LYPD6B: variants seen among roughly 807,000 people sequenced by gnomAD.
LYPD6B encodes ly6/PLAUR domain-containing protein 6B.
A neutral mutation model predicts 22.8 loss-of-function variants in LYPD6B; 17 were observed. That is an observed-to-expected ratio of 0.75 (90% CI 0.51 to 1.12). The LOEUF (loss-of-function observed/expected upper bound fraction) is 1.12, where lower values mean the gene tolerates loss of function less well. Among genes scored for constraint, LYPD6B ranks in the 50% most tolerant of loss-of-function variants. The pLI is 0.00. For synonymous variants in LYPD6B, 106 were observed against 91.6 expected, an observed-to-expected ratio of 1.16 and a Z score of -0.90; for missense variants, 221 against 258.3, an observed-to-expected ratio of 0.86 and a Z score of 0.99.
chr2:149,122,805 A>C (rs1687459626), intron 1 of LYPD6B, among the ~76,000 whole-genome samples: 1 of 152,120 alleles, frequency 6.6e-6, no homozygotes, highest in Non-Finnish European at 1.5e-5. Context: ...TGAGTCCTCT[A>C]TACAGATTTT....
rs386391473 is a variant in LYPD6B at position 149,212,380 on chromosome 2, C to CAAAAAAAAAA, written c.329-597_329-588dup. 4.8e-4 allele frequency among the ~76,000 whole-genome samples: 29 copies of CAAAAAAAAAA among 60,128 alleles called. 2 individuals carry two copies. The highest frequency in any genetic ancestry group is 1.3e-3 in the African/African-American group (17 of 13,324). 39.4% of individuals were successfully genotyped at this position (60,128 alleles called of 152,430 possible). A position where few individuals can be genotyped will look rare whatever the true frequency, so the allele number is the denominator to read the frequency against. ...CTGGGGACAGAGTAAGACTCCGTCT[C>CAAAAAAAAAA]AAAAAAAAAAAAAAAAAAAAAAAAG... On this transcript the variant is annotated intron_variant, in intron 5 of 6. Transcript: ENST00000409642.
intron 4 of LYPD6B, chr2:149,206,004 C>T (rs186828377): frequency 4.3e-6 from 2 of 468,380 alleles, no homozygotes; most frequent in South Asian, 3.1e-5. Context: ...GTCATTAACC[C>T]TCCTTTCTTT....
chr2:149,179,231 G>C (rs1014260040), intron 3 of LYPD6B, among the ~76,000 whole-genome samples: 1 of 152,202 alleles, frequency 6.6e-6, no homozygotes, highest in Non-Finnish European at 1.5e-5. Flanking sequence ...CTGGCATAAT[G>C]ATGAGTCTTC....
At chr2:149,143,247 A>G (rs1252055331) in intron 2 of LYPD6B, among the ~76,000 whole-genome samples, 3 of 152,150 alleles carry the variant, frequency 2.0e-5, no homozygotes, top group African/African-American at 4.8e-5. Flanking sequence ...TTCTATTTGT[A>G]TAAGATGAGA....
chr2:149,070,486 C>T (rs1684549439), intron 1 of LYPD6B, among the ~76,000 whole-genome samples: 1 of 152,134 alleles, frequency 6.6e-6, no homozygotes, highest in African/African-American at 2.4e-5. Context: ...ATATAACCTT[C>T]CTAAGACTAT....
At chr2:149,056,791 G>T (rs1269218674) in intron 1 of LYPD6B, among the ~76,000 whole-genome samples, 1 of 152,116 alleles carries the variant, frequency 6.6e-6, no homozygotes, top group Non-Finnish European at 1.5e-5. Context: ...ACTCGTCTAG[G>T]ATTCCTGCTT....
chr2:149,085,845 A>G (rs752415247), intron 1 of LYPD6B, among the ~76,000 whole-genome samples: 6 of 152,192 alleles, frequency 3.9e-5, no homozygotes, highest in African/African-American at 1.2e-4. Flanking sequence ...CAACTTTTCT[A>G]TCACTAATAT....
At chr2:149,211,185 A>C (rs1575188522) in intron 5 of LYPD6B, among the ~76,000 whole-genome samples, 1 of 152,038 alleles carries the variant, frequency 6.6e-6, no homozygotes, top group Admixed American at 6.5e-5. Flanking sequence ...ATGGCACTAA[A>C]CCATTCATGA....
chr2:149,191,260 TTAAGA>T (rs1175326325), intron 3 of LYPD6B, among the ~76,000 whole-genome samples: 4 of 152,144 alleles, frequency 2.6e-5, no homozygotes, highest in Non-Finnish European at 5.9e-5. Flanking sequence ...CTCTAAACAA[TTAAGA>T]TAACAACAAT....
intron 1 of LYPD6B, among the ~76,000 whole-genome samples, chr2:149,070,892 C>A (rs1282174897): frequency 6.6e-6 from 1 of 152,120 alleles, no homozygotes; most frequent in Non-Finnish European, 1.5e-5. Flanking sequence ...ACAGATGCAG[C>A]CTGATTGATT....
At chr2:149,173,569 A>G (rs1224401047) in intron 3 of LYPD6B, among the ~76,000 whole-genome samples, 1 of 152,150 alleles carries the variant, frequency 6.6e-6, no homozygotes, top group Non-Finnish European at 1.5e-5. Flanking sequence ...TATTAAAAAA[A>G]TTATTTGGCA....
At chr2:149,189,369 C>CATATAT (rs59507620) in intron 3 of LYPD6B, among the ~76,000 whole-genome samples, 1 of 91,666 alleles carries the variant, frequency 1.1e-5, no homozygotes, top group Non-Finnish European at 2.1e-5. Context: ...TATATATATA[C>CATATAT]ACACACATAT....
intron 1 of LYPD6B, among the ~76,000 whole-genome samples, chr2:149,087,922 TATAATTCTGGGCCA>T (rs1168294746): frequency 2.0e-5 from 3 of 152,200 alleles, no homozygotes; most frequent in Non-Finnish European, 2.9e-5. Flanking sequence ...TGGCAGGGTT[TATAATTCTGGGCCA>T]CCACTAGGGG....
At chr2:149,161,405 T>G (rs1408153375) in intron 3 of LYPD6B, 1 of 153,952 alleles carries the variant, frequency 6.5e-6, no homozygotes, top group East Asian at 1.9e-4. Flanking sequence ...TGTGTTTAAT[T>G]GATGATTGCT....
At chr2:149,196,241 T>G (rs181600423) in intron 3 of LYPD6B, among the ~76,000 whole-genome samples, 5 of 152,260 alleles carry the variant, frequency 3.3e-5, no homozygotes, top group East Asian at 1.9e-4. Flanking sequence ...ATGCAGAAAT[T>G]TTTTATTAGT....
At chr2:149,204,711 T>A (rs1693395940) in intron 3 of LYPD6B, 1 of 153,794 alleles carries the variant, frequency 6.5e-6, no homozygotes, top group African/African-American at 2.4e-5. Context: ...CTCTAGGATC[T>A]GGCAGAGATT....
At chr2:149,042,128 T>A (rs116708998) in intron 1 of LYPD6B, among the ~76,000 whole-genome samples, 6 of 152,362 alleles carry the variant, frequency 3.9e-5, no homozygotes, top group Non-Finnish European at 8.8e-5. Context: ...ACTAACAGGC[T>A]GGGACTTGGT....
At chr2:149,083,317 G>A (rs1685222218) in intron 1 of LYPD6B, among the ~76,000 whole-genome samples, 3 of 152,104 alleles carry the variant, frequency 2.0e-5, no homozygotes, top group Admixed American at 2.0e-4. Context: ...TTACCATAAT[G>A]CAATATTGTA....
At chr2:149,099,828 A>T (rs1256674660) in intron 1 of LYPD6B, among the ~76,000 whole-genome samples, 1 of 152,170 alleles carries the variant, frequency 6.6e-6, no homozygotes, top group African/African-American at 2.4e-5. Flanking sequence ...ATTGACTATG[A>T]TGAGAGTTAG....
Sources: allele counts gnomAD v4.1 joint callset (sites outside exome capture counted in the v4.1 genomes callset), GRCh38; gene constraint gnomAD v4.1.1; transcripts MANE v1.5; gene names NCBI Gene and HGNC (gene_info 2026-07-23, HGNC 2026-07-21).